PHLDB2: variants seen among roughly 807,000 people sequenced by gnomAD.
PHLDB2 encodes pleckstrin homology like domain family B member 2.
In PHLDB2, 71 loss-of-function variants were observed where a neutral mutation model predicts 123.6. That is an observed-to-expected ratio of 0.57 (90% CI 0.47 to 0.70). PHLDB2 has a LOEUF of 0.70. Among genes scored for constraint, PHLDB2 ranks in the 30% least tolerant of loss-of-function variants. The probability of loss-of-function intolerance (pLI) is 0.00; values close to 1 mark genes in which losing one functional copy is unlikely to be tolerated. For synonymous variants in PHLDB2, 547 were observed against 541.6 expected, an observed-to-expected ratio of 1.01 and a Z score of -0.14; for missense variants, 1,446 against 1,519.5, an observed-to-expected ratio of 0.95 and a Z score of 0.80.
At chr3:111,785,858 G>C (rs1351654739) in intron 1 of PHLDB2, among the ~76,000 whole-genome samples, 1 of 152,098 alleles carries the variant, frequency 6.6e-6, no homozygotes, top group Non-Finnish European at 1.5e-5. Context: ...ATCTTTTGAA[G>C]AAGAATTCAA....
At position 111,825,502 on chromosome 3, in the gene PHLDB2, C is replaced by A. The variant is rs190856881; in HGVS notation, c.-48-20319C>A. Among the ~76,000 whole-genome samples, 762 of 152,338 alleles carry A rather than the reference C, an allele frequency of 5.0e-3. 5 individuals carry two copies. The highest frequency in any genetic ancestry group is 5.0e-3 in the Non-Finnish European group (340 of 68,036). ...TCCCTCTGTTACCCAGGCTGGGGTGCAGTAGCACCATCTCGGCTCATGGGA... is the reference window on the plus strand; with the variant it reads ...TCCCTCTGTTACCCAGGCTGGGGTGAAGTAGCACCATCTCGGCTCATGGGA... On this transcript the variant is annotated intron_variant, in intron 1 of 17. Transcript: ENST00000393923.
intron 1 of PHLDB2, among the ~76,000 whole-genome samples, chr3:111,830,188 C>G (rs769867396): frequency 1.5e-4 from 23 of 152,160 alleles, no homozygotes; most frequent in South Asian, 6.2e-4. Context: ...ACTCTTTCCT[C>G]CTACTTCGAG....
chr3:111,836,860 A>G (rs1020753240), intron 1 of PHLDB2, among the ~76,000 whole-genome samples: 1 of 152,174 alleles, frequency 6.6e-6, no homozygotes, highest in Non-Finnish European at 1.5e-5. Context: ...ATCATCTCCC[A>G]CCAGGTCCCT....
intron 1 of PHLDB2, among the ~76,000 whole-genome samples, chr3:111,748,795 T>TACAGGCGTGAGTCACTGCAC (rs1437427296): frequency 6.6e-6 from 1 of 152,188 alleles, no homozygotes; most frequent in Non-Finnish European, 1.5e-5. Context: ...GTGCTGGGAT[T>TACAGGCGTGAGTCACTGCAC]ACAGGCGTGA....
intron 5 of PHLDB2, 22 bp downstream of exon 5, chr3:111,920,441 A>G (rs201162455): frequency 6.8e-5 from 109 of 1,608,628 alleles, no homozygotes; most frequent in East Asian, 2.0e-4. Flanking sequence ...TTATATTTCA[A>G]TGCAGTTTTT....
At chr3:111,926,330 GAC>G (rs2068810797) in intron 5 of PHLDB2, among the ~76,000 whole-genome samples, 1 of 152,208 alleles carries the variant, frequency 6.6e-6, no homozygotes, top group African/African-American at 2.4e-5. Flanking sequence ...GCCAGAGAAA[GAC>G]AGTGAGCCTA....
chr3:111,740,652 C>T (rs1463675759), intron 1 of PHLDB2, among the ~76,000 whole-genome samples: 1 of 151,978 alleles, frequency 6.6e-6, no homozygotes, highest in Non-Finnish European at 1.5e-5. Context: ...CTGTCACAAC[C>T]GTATTAACTA....
intron 1 of PHLDB2, among the ~76,000 whole-genome samples, chr3:111,750,883 T>G (rs2059758471): frequency 6.6e-6 from 1 of 150,930 alleles, no homozygotes; most frequent in South Asian, 2.1e-4. Flanking sequence ...GAGGTGTAGG[T>G]TGCAGTGAGC....
At chr3:111,851,466 G>A (rs2064253314) in intron 2 of PHLDB2, among the ~76,000 whole-genome samples, 1 of 152,116 alleles carries the variant, frequency 6.6e-6, no homozygotes, top group African/African-American at 2.4e-5. Context: ...AAAAGGAAAA[G>A]GGCAGTCAGG....
intron 6 of PHLDB2, among the ~76,000 whole-genome samples, chr3:111,934,300 C>T (rs1281022237): frequency 6.6e-6 from 1 of 152,136 alleles, no homozygotes; most frequent in Non-Finnish European, 1.5e-5. Context: ...AGTTCACTTA[C>T]TTCATGAGAA....
chr3:111,880,211 G>A (rs77258070), intron 1 of PHLDB2, among the ~76,000 whole-genome samples: 6,131 of 151,972 alleles, frequency 0.04, 183 homozygotes, highest in Non-Finnish European at 0.057. Context: ...CCCTATCAGC[G>A]TTCTCTACCA....
Position 111,973,754 on chromosome 3 carries a change from A to G in PHLDB2, c.3558A>G (p.Lys1186=), listed in dbSNP as rs150340723. The G allele has an allele frequency of 7.5e-6, 12 of 1,601,276 alleles. No homozygotes were observed. Among genetic ancestry groups the G allele is most frequent in the Admixed American group, 6.7e-5 (4 of 59,716 alleles). Reference sequence around the variant, plus strand: ...CAGACAAGCATGAAACTAAATTGAAAGGAGTAATATACTTTCAAGCCATTG... The same window carrying G: ...CAGACAAGCATGAAACTAAATTGAAGGGAGTAATATACTTTCAAGCCATTG... The part of the protein sequence containing the change: ...YYADKHETKL[K]GVIYFQAIEE... Residue 1186 remains lysine (K), a synonymous_variant, in exon 17 of 18, where the codon AAA becomes AAG. Coordinates refer to ENST00000431670, the MANE Select transcript of PHLDB2 (RefSeq NM_001134438.2).
chr3:111,969,642 CA>C, intron 15 of PHLDB2, 47 bp from the exon 16 acceptor site: 1 of 1,510,578 alleles, frequency 6.6e-7, no homozygotes, highest in Non-Finnish European at 9.1e-7. Flanking sequence ...TGACCTAAAA[CA>C]AAACAAATAA....
intron 2 of PHLDB2, among the ~76,000 whole-genome samples, chr3:111,850,049 G>C (rs956492041): frequency 7.9e-5 from 12 of 151,966 alleles, no homozygotes; most frequent in Admixed American, 7.9e-4. Flanking sequence ...TTTTAGTAGA[G>C]ACAGGGTTTC....
intron 1 of PHLDB2, among the ~76,000 whole-genome samples, chr3:111,795,487 C>T (rs764595896): frequency 3.3e-5 from 5 of 152,218 alleles, no homozygotes; most frequent in Admixed American, 1.3e-4. Context: ...CATCAACAAT[C>T]TTGCCATCTC....
intron 1 of PHLDB2, among the ~76,000 whole-genome samples, chr3:111,759,152 C>T (rs777361775): frequency 2.1e-4 from 31 of 151,044 alleles, no homozygotes; most frequent in Non-Finnish European, 3.2e-4. Flanking sequence ...TCTTAGTCCA[C>T]TCAGGCTGTT....
chr3:111,763,510 C>A (rs1221561537), intron 1 of PHLDB2, among the ~76,000 whole-genome samples: 2 of 152,156 alleles, frequency 1.3e-5, no homozygotes, highest in African/African-American at 4.8e-5. Flanking sequence ...GTGCTTAGGG[C>A]AGTTCCTGAT....
At chr3:111,819,261 G>T (rs1474325361) in intron 1 of PHLDB2, among the ~76,000 whole-genome samples, 2 of 151,944 alleles carry the variant, frequency 1.3e-5, no homozygotes, top group Admixed American at 1.3e-4. Context: ...GGGGTGGGGG[G>T]TGGCTGTGGG....
intron 1 of PHLDB2, among the ~76,000 whole-genome samples, chr3:111,775,783 A>G (rs2060258103): frequency 6.6e-6 from 1 of 152,178 alleles, no homozygotes; most frequent in Non-Finnish European, 1.5e-5. Flanking sequence ...GAATGTTTAC[A>G]TTTTTCTACA....
Sources: allele counts gnomAD v4.1 joint callset (sites outside exome capture counted in the v4.1 genomes callset), GRCh38; gene constraint gnomAD v4.1.1; transcripts MANE v1.5; gene names NCBI Gene and HGNC (gene_info 2026-07-23, HGNC 2026-07-21).